PPARD: variants seen among roughly 807,000 people sequenced by gnomAD.
The protein encoded by PPARD is peroxisome proliferator activated receptor delta.
A neutral mutation model predicts 39.5 loss-of-function variants in PPARD; 6 were observed. The ratio of observed to expected loss-of-function variants is 0.15; its 90% CI spans 0.08 to 0.30. PPARD has a LOEUF of 0.30. Among genes scored for constraint, PPARD ranks in the 10% least tolerant of loss-of-function variants. The pLI is 1.00. For missense variants in PPARD, 397 were observed against 596.8 expected, an observed-to-expected ratio of 0.67 and a Z score of 3.49; for synonymous variants, 210 against 231.3, an observed-to-expected ratio of 0.91 and a Z score of 0.83.
At chr6:35,397,021 A>G (rs1355675094) in intron 2 of PPARD, among the ~76,000 whole-genome samples, 2 of 152,106 alleles carry the variant, frequency 1.3e-5, no homozygotes, top group Non-Finnish European at 2.9e-5. Context: ...ACCTTCCCTG[A>G]GGCCTCCAGA....
intron 2 of PPARD, among the ~76,000 whole-genome samples, chr6:35,359,576 C>A (rs566880799): frequency 1.3e-5 from 2 of 152,216 alleles, no homozygotes; most frequent in Admixed American, 6.5e-5. Context: ...GTCCAACCCC[C>A]CTGGCCCGCT....
intron 2 of PPARD, among the ~76,000 whole-genome samples, chr6:35,407,397 C>T (rs1364400662): frequency 6.7e-6 from 1 of 149,888 alleles, no homozygotes; most frequent in Non-Finnish European, 1.5e-5. Flanking sequence ...CCATCTGACC[C>T]TTGTCACCCG....
In PPARD at chr6:35,372,964, G is replaced by T. The variant is rs140694614; in HGVS notation, c.-102+25814G>T. Reference sequence around the variant, plus strand: ...AAACTGATTTCTCACAGTTCTGGAGGCTGGGAAGTTCAAGATCAAGGCATT... The same window carrying T: ...AAACTGATTTCTCACAGTTCTGGAGTCTGGGAAGTTCAAGATCAAGGCATT... On this transcript the variant is annotated intron_variant, in intron 2 of 7. Transcript: ENST00000360694. 6.3e-3 allele frequency among the ~76,000 whole-genome samples: 955 copies of T among 152,300 alleles called. 3 individuals are homozygous for T. Among genetic ancestry groups the T allele is most frequent in the Middle Eastern group, 0.017 (5 of 294 alleles).
intron 2 of PPARD, among the ~76,000 whole-genome samples, chr6:35,374,308 T>TTG (rs1554205488): frequency 2.3e-4 from 29 of 126,170 alleles, no homozygotes; most frequent in African/African-American, 1.1e-3. Context: ...TTCTCGGCGG[T>TTG]GGGGCGGGGG....
intron 2 of PPARD, among the ~76,000 whole-genome samples, chr6:35,362,109 T>TC (rs2150496608): frequency 1.3e-5 from 2 of 152,366 alleles, no homozygotes; most frequent in South Asian, 4.1e-4. Context: ...GATTTTTTTT[T>TC]CTTACCTAGG....
chr6:35,407,543 G>C (rs1387697946), intron 2 of PPARD, among the ~76,000 whole-genome samples: 1 of 151,806 alleles, frequency 6.6e-6, no homozygotes, highest in East Asian at 1.9e-4. Context: ...TTGTTATTTG[G>C]ATAATGGCAC....
chr6:35,408,056 G>T (rs967956121), intron 2 of PPARD, among the ~76,000 whole-genome samples: 1 of 152,120 alleles, frequency 6.6e-6, no homozygotes, highest in South Asian at 2.1e-4. Flanking sequence ...TTGCAGGGTG[G>T]GTCCAGCAGC....
intron 2 of PPARD, among the ~76,000 whole-genome samples, chr6:35,379,096 CTTTTTTT>C (rs966712151): frequency 3.3e-4 from 44 of 134,452 alleles, no homozygotes; most frequent in African/African-American, 1.1e-3. Flanking sequence ...TCTTTTCTTT[CTTTTTTT>C]TTTTTTTTTT....
chr6:35,371,784 C>G (rs899253357), intron 2 of PPARD, among the ~76,000 whole-genome samples: 6 of 152,234 alleles, frequency 3.9e-5, no homozygotes, highest in African/African-American at 1.2e-4. Context: ...ATGCTGCAGA[C>G]GTACATGAAC....
chr6:35,380,637 A>T (rs1338094876), intron 2 of PPARD, among the ~76,000 whole-genome samples: 1 of 151,870 alleles, frequency 6.6e-6, no homozygotes, highest in African/African-American at 2.4e-5. Flanking sequence ...AACTACAGGC[A>T]CATGCACCAC....
chr6:35,367,304 G>T (rs1002871463), intron 2 of PPARD, among the ~76,000 whole-genome samples: 3 of 152,122 alleles, frequency 2.0e-5, no homozygotes, highest in Non-Finnish European at 4.4e-5. Flanking sequence ...GTATGAAGAG[G>T]TACCCTTGGC....
chr6:35,407,346 T>TGGGCTCTGCCG (rs1264598989), intron 2 of PPARD, among the ~76,000 whole-genome samples: 11 of 151,714 alleles, frequency 7.3e-5, no homozygotes, highest in Non-Finnish European at 1.6e-4. Flanking sequence ...CCACTCACCC[T>TGGGCTCTGCCG]GGGCTCTGCC....
chr6:35,425,836 G>T lies in PPARD; in HGVS notation c.1083G>T (p.Arg361=), dbSNP rs1404645817. The change falls in exon 8 of 8, where the codon CGG becomes CGT. Residue 361 remains arginine, a synonymous_variant. Transcript: ENST00000360694. This position sits in a 1 kb window ranked among gnomAD's most constrained non-coding sequence, Gnocchi z 4.5. ...GCGTGCCCTGTGTCCCCACAGACCG[G>T]CCAGGCCTCATGAACGTTCCACGGG... ...FIAAIILCGD[R]PGLMNVPRVE... The T allele has an allele frequency of 6.2e-7, 1 of 1,613,862 alleles. No individual in the cohort carries two copies. The highest frequency in any genetic ancestry group is 8.5e-7 in the Non-Finnish European group (1 of 1,179,984).
intron 2 of PPARD, among the ~76,000 whole-genome samples, chr6:35,389,583 G>A (rs1763894583): frequency 1.3e-5 from 2 of 152,028 alleles, no homozygotes; most frequent in Admixed American, 1.3e-4. Flanking sequence ...AAAGTGCTAG[G>A]ATTACAGGCG....
chr6:35,402,218 A>G (rs1398408199), intron 2 of PPARD, among the ~76,000 whole-genome samples: 1 of 152,250 alleles, frequency 6.6e-6, no homozygotes, highest in African/African-American at 2.4e-5. Context: ...TCCACCCCTC[A>G]GAGAAAAGTA....
At chr6:35,355,712 C>T (rs1375717814) in intron 2 of PPARD, among the ~76,000 whole-genome samples, 1 of 144,288 alleles carries the variant, frequency 6.9e-6, no homozygotes, top group Non-Finnish European at 1.5e-5. Flanking sequence ...CCCAGGTTCG[C>T]GCCGTTCTCC....
intron 1 of PPARD, among the ~76,000 whole-genome samples, chr6:35,346,605 G>A (rs1792199138): frequency 2.6e-5 from 4 of 152,160 alleles, no homozygotes; most frequent in Admixed American, 2.6e-4. Context: ...AGCCTGGCAG[G>A]GAGAACATGG....
At chr6:35,399,775 T>G (rs1764580943) in intron 2 of PPARD, among the ~76,000 whole-genome samples, 1 of 152,214 alleles carries the variant, frequency 6.6e-6, no homozygotes. Context: ...GTCATTTTCA[T>G]GAGAATCATG....
intron 2 of PPARD, among the ~76,000 whole-genome samples, chr6:35,381,832 A>C (rs1300369909): frequency 6.6e-6 from 1 of 152,212 alleles, no homozygotes; most frequent in East Asian, 1.9e-4. Flanking sequence ...ATTCAACATT[A>C]ATTTAGCACC....
Sources: gnomAD v4.1 joint callset for allele counts (sites outside exome capture counted in the v4.1 genomes callset) on GRCh38, gnomAD v4.1.1 for gene constraint, Gnocchi (gnomAD v3.1) non-coding constraint, MANE v1.5 for transcripts, NCBI Gene and HGNC (gene_info 2026-07-23, HGNC 2026-07-21) for gene names.